Variants in HMGB1 observed in about 807,000 individuals in gnomAD.
HMGB1 encodes the protein high mobility group protein B1.
For missense variants in HMGB1, 79 were observed against 253.5 expected, an observed-to-expected ratio of 0.31 and a Z score of 4.67; for synonymous variants, 81 against 84.0, an observed-to-expected ratio of 0.96 and a Z score of 0.19.
intron 1 of HMGB1, among the ~76,000 whole-genome samples, chr13:30,556,671 G>A (rs1443829349): frequency 6.6e-6 from 1 of 152,204 alleles, no homozygotes; most frequent in Non-Finnish European, 1.5e-5. Flanking sequence ...AAGTTAAACA[G>A]TGCATGTTCT....
intron 1 of HMGB1, among the ~76,000 whole-genome samples, chr13:30,571,256 G>A (rs868466263): frequency 2.3e-4 from 35 of 150,302 alleles, no homozygotes; most frequent in African/African-American, 8.1e-4. Flanking sequence ...TAATATGAGT[G>A]TGAGAAAGTC....
chr13:30,598,136 C>T (rs1454749767), intron 1 of HMGB1, among the ~76,000 whole-genome samples: 1 of 152,218 alleles, frequency 6.6e-6, no homozygotes, highest in Non-Finnish European at 1.5e-5. Context: ...CTCTCAGAAG[C>T]ACCAGTACCC....
intron 1 of HMGB1, among the ~76,000 whole-genome samples, chr13:30,587,548 A>G (rs1183174732): frequency 2.0e-5 from 3 of 152,198 alleles, no homozygotes; most frequent in Admixed American, 2.0e-4. Context: ...GGGGTCCTTA[A>G]CCAAGATTCA....
At chr13:30,609,013 G>A (rs2137572527) in intron 1 of HMGB1, among the ~76,000 whole-genome samples, 1 of 139,700 alleles carries the variant, frequency 7.2e-6, no homozygotes, top group East Asian at 1.9e-4. Flanking sequence ...TGTAATCCCA[G>A]CACTTGGGGA....
intron 1 of HMGB1, among the ~76,000 whole-genome samples, chr13:30,596,501 A>G (rs1362292236): frequency 6.6e-6 from 1 of 152,224 alleles, no homozygotes; most frequent in East Asian, 1.9e-4. Context: ...TCTCATGGGA[A>G]CAACTCACGA....
At chr13:30,498,115 C>A (rs1030759927) in intron 1 of HMGB1, among the ~76,000 whole-genome samples, 12 of 152,162 alleles carry the variant, frequency 7.9e-5, no homozygotes, top group Admixed American at 7.9e-4. Context: ...ACCTCGCAAG[C>A]ATCTGTTATT....
At chr13:30,500,728 T>TC (rs1236861394) in intron 1 of HMGB1, among the ~76,000 whole-genome samples, 1 of 146,048 alleles carries the variant, frequency 6.8e-6, no homozygotes, top group Non-Finnish European at 1.5e-5. Context: ...TTTAATTTCT[T>TC]TTTTTTTTTT....
At chr13:30,470,661 T>A (rs1056571031), upstream of HMGB1, among the ~76,000 whole-genome samples, 9 of 152,222 alleles carry the variant, frequency 5.9e-5, no homozygotes, top group South Asian at 2.1e-4. Context: ...ATTTTATTTT[T>A]TTTTTGAGAC....
intron 1 of HMGB1, among the ~76,000 whole-genome samples, chr13:30,537,687 A>ATATC (rs1868516633): frequency 1.7e-5 from 2 of 118,890 alleles, no homozygotes; most frequent in African/African-American, 6.8e-5. Context: ...ATATATATAT[A>ATATC]TATATATATA....
At chr13:30,545,745 G>T (rs80351126) in intron 1 of HMGB1, among the ~76,000 whole-genome samples, 12,121 of 152,176 alleles carry the variant, frequency 0.08, 510 homozygotes, top group Middle Eastern at 0.16. Context: ...TCCCAGGCTG[G>T]AGTGCAGTGG....
At chr13:30,516,954 G>T (rs548103901) in intron 1 of HMGB1, among the ~76,000 whole-genome samples, 2 of 152,122 alleles carry the variant, frequency 1.3e-5, no homozygotes, top group South Asian at 4.1e-4. Flanking sequence ...TTAGGCTAGG[G>T]TTCTTGTGCT....
chr13:30,594,233 A>G (rs1192063589), intron 1 of HMGB1, among the ~76,000 whole-genome samples: 3 of 152,200 alleles, frequency 2.0e-5, no homozygotes, highest in African/African-American at 7.2e-5. Context: ...GCTTTTTAAA[A>G]TTTTAGATTC....
Position 30,460,526 on chromosome 13 carries a change from A to G in HMGB1, c.*831T>C, listed in dbSNP as rs967362184. 21 of 152,282 alleles carry G rather than the reference A, an allele frequency of 1.4e-4. No homozygotes were observed. The highest frequency in any genetic ancestry group is 5.1e-4 in the African/African-American group (21 of 41,356). The allele number at this position is 152,282 out of a possible 1,614,324, so 9.4% of individuals were successfully genotyped here. A position where few individuals can be genotyped will look rare whatever the true frequency, so the allele number is the denominator to read the frequency against. On this transcript the variant is annotated 3_prime_UTR_variant, in exon 5 of 5. Coordinates refer to ENST00000341423, the MANE Select transcript of HMGB1 (RefSeq NM_002128.7). The stretch of plus-strand genomic sequence containing the variant: ...TACATGGTAATGGGAGTTAAAGAAT[A>G]GAGTCCTCATGTAAAGGTTAGAACA...
At chr13:30,491,152 C>A (rs1420439893) in intron 1 of HMGB1, among the ~76,000 whole-genome samples, 1 of 152,106 alleles carries the variant, frequency 6.6e-6, no homozygotes, top group East Asian at 1.9e-4. Flanking sequence ...CCTCAGCCTC[C>A]CGAGTAGCTG....
intron 1 of HMGB1, among the ~76,000 whole-genome samples, chr13:30,510,819 A>C (rs1887975874): frequency 6.6e-6 from 1 of 152,218 alleles, no homozygotes; most frequent in Non-Finnish European, 1.5e-5. Context: ...ATAAACGCTT[A>C]CTAATTGAGA....
intron 1 of HMGB1, among the ~76,000 whole-genome samples, chr13:30,614,728 G>A (rs1457202207): frequency 1.3e-5 from 2 of 152,004 alleles, no homozygotes; most frequent in Non-Finnish European, 1.5e-5. Context: ...ATGGAGTCTT[G>A]CTCTGTCGCT....
chr13:30,578,226 T>C (rs997983937), intron 1 of HMGB1, among the ~76,000 whole-genome samples: 1 of 152,040 alleles, frequency 6.6e-6, no homozygotes, highest in Non-Finnish European at 1.5e-5. Context: ...GTGTAGGTTA[T>C]GAACCCATCT....
upstream of HMGB1, among the ~76,000 whole-genome samples, chr13:30,468,443 G>A (rs564763552): frequency 6.6e-5 from 10 of 152,120 alleles, no homozygotes; most frequent in Admixed American, 2.6e-4. Flanking sequence ...TAGTAGAGAC[G>A]GGGTTTCACC....
chr13:30,460,909 GTATT>G lies in HMGB1; in HGVS notation c.*444_*447del, dbSNP rs937635811. ...GACAACAATACTAATAAAAAAAATT[GTATT>G]TACTTAGAAGCATTCAGAATGTCAA... is the stretch of plus-strand genomic sequence containing the variant. On this transcript the variant is annotated 3_prime_UTR_variant, in exon 5 of 5. Coordinates refer to ENST00000341423, the MANE Select transcript of HMGB1 (RefSeq NM_002128.7). The G allele has an allele frequency of 1.3e-6, 1 of 770,208 alleles. No homozygotes were observed. The highest frequency in any genetic ancestry group is 1.6e-6 in the Non-Finnish European group (1 of 634,566). The allele number at this position is 770,208 out of a possible 1,614,324, so 47.7% of individuals were successfully genotyped here.
Sources: gnomAD v4.1 joint callset for allele counts (sites outside exome capture counted in the v4.1 genomes callset) on GRCh38, gnomAD v4.1.1 for gene constraint, MANE v1.5 for transcripts, NCBI Gene and HGNC (gene_info 2026-07-23, HGNC 2026-07-21) for gene names.